The following IDE variants were observed in gnomAD, a reference collection of about 807,000 sequenced individuals.
IDE encodes the protein insulin degrading enzyme, also known as insulin-degrading enzyme.
IDE carries 58 observed loss-of-function variants against 133.2 expected under a neutral mutation model. That is an observed-to-expected ratio of 0.44 (90% CI 0.35 to 0.54). The LOEUF (loss-of-function observed/expected upper bound fraction) is 0.54. Ranked by LOEUF, IDE falls within the 20% of genes least tolerant of loss-of-function variation. The probability of loss-of-function intolerance (pLI) is 0.00; values close to 1 mark genes in which losing one functional copy is unlikely to be tolerated. For synonymous variants in IDE, 396 were observed against 421.3 expected, an observed-to-expected ratio of 0.94 and a Z score of 0.73; for missense variants, 981 against 1,234.0, an observed-to-expected ratio of 0.79 and a Z score of 3.07.
chr10:92,507,986 T>A, intron 8 of IDE, 127 bp downstream of exon 8: 2 of 718,484 alleles, frequency 2.8e-6, no homozygotes, highest in Admixed American at 5.1e-5. Context: ...AAAAATACAA[T>A]GGATAAGTTG....
chr10:92,499,546 C>T (rs1847898019), intron 11 of IDE, among the ~76,000 whole-genome samples: 1 of 152,148 alleles, frequency 6.6e-6, no homozygotes. Flanking sequence ...GATCCTTCTG[C>T]CTCAGCCTCC....
intron 22 of IDE, among the ~76,000 whole-genome samples, chr10:92,457,298 G>A (rs997342287): frequency 6.6e-6 from 1 of 152,170 alleles, no homozygotes. Flanking sequence ...AACAATTACT[G>A]AGTCCTGCGT....
In IDE at chr10:92,531,846, G is replaced by A; in HGVS notation, c.563C>T (p.Ser188Leu). The A allele has an allele frequency of 1.3e-6, 2 of 1,599,186 alleles. No homozygotes were observed. The highest frequency in any genetic ancestry group is 1.7e-6 in the Non-Finnish European group (2 of 1,170,948). The change falls in exon 4 of 25, where the codon TCA (serine) becomes TTA (leucine). Residue 188 changes from serine to leucine, a missense_variant. By Grantham distance (145) the Ser-to-Leu change is moderately radical (BLOSUM62 -2). This residue lies in a region of IDE where 321 missense variants were observed against 339.3 expected (regional missense o/e 0.95). Transcript: ENST00000265986. The stretch of plus-strand genomic sequence containing the variant: ...ATTCATCACATTCTTCTCATGTTCT[G>A]AATCAACTGCATTCACCTCTCTGTC... The part of the protein sequence containing the change: ...CKDREVNAVD[S>L]EHEKNVMNDA...
intron 1 of IDE, among the ~76,000 whole-genome samples, chr10:92,556,225 C>T (rs1843003712): frequency 6.6e-6 from 1 of 150,816 alleles, no homozygotes; most frequent in Admixed American, 6.6e-5. Flanking sequence ...AAATTAGCTC[C>T]ATTTGCAGAA....
chr10:92,469,174 G>C (rs1845838962), intron 18 of IDE, among the ~76,000 whole-genome samples, 184 bp from the exon 19 acceptor site: 1 of 152,176 alleles, frequency 6.6e-6, no homozygotes, highest in South Asian at 2.1e-4. Context: ...TATGGTAGTG[G>C]TGAAAGAAAC....
intron 1 of IDE, among the ~76,000 whole-genome samples, chr10:92,571,599 C>T (rs1843790433): frequency 6.6e-6 from 1 of 152,106 alleles, no homozygotes; most frequent in Non-Finnish European, 1.5e-5. Context: ...TCAGATAATT[C>T]CACACAGTCC....
intron 24 of IDE, 42 bp from the exon 25 acceptor site, chr10:92,454,581 C>T (rs1202160133): frequency 2.1e-6 from 3 of 1,413,858 alleles, no homozygotes; most frequent in African/African-American, 1.4e-5. Flanking sequence ...TTAACCTAAA[C>T]ATCAGAATAA....
chr10:92,457,681 A>G (rs1467837377), intron 22 of IDE, among the ~76,000 whole-genome samples: 1 of 152,120 alleles, frequency 6.6e-6, no homozygotes, highest in Admixed American at 6.5e-5. Context: ...ATATCCTTAG[A>G]GGAAAGAAAT....
intron 13 of IDE, among the ~76,000 whole-genome samples, chr10:92,486,442 A>C (rs1008380895): frequency 6.6e-6 from 1 of 152,208 alleles, no homozygotes; most frequent in Non-Finnish European, 1.5e-5. Context: ...ACTAATTGTT[A>C]TCTCATTGAA....
At position 92,504,025 on chromosome 10, in the gene IDE, A is replaced by AT. The variant is rs5786999; in HGVS notation, c.1430+768dup. Among the ~76,000 whole-genome samples the AT allele has an allele frequency of 6.5e-4, 97 of 149,894 alleles. 1 individual carries two copies. The highest frequency in any genetic ancestry group is 1.1e-3 in the Non-Finnish European group (71 of 67,378). ...GAGCCACCGCGCCCAGCCCAAAAAG[A>AT]TTTTTTTTTTTTTACAAAAAGTTCT... is the stretch of plus-strand genomic sequence containing the variant. On this transcript the variant is annotated intron_variant, in intron 11 of 24. Coordinates refer to ENST00000265986, the MANE Select transcript of IDE (RefSeq NM_004969.4).
At chr10:92,546,971 C>T (rs920148958) in intron 1 of IDE, among the ~76,000 whole-genome samples, 29 of 152,284 alleles carry the variant, frequency 1.9e-4, no homozygotes, top group African/African-American at 5.3e-4. Flanking sequence ...TACCATATAA[C>T]GTTAACATTT....
intron 1 of IDE, among the ~76,000 whole-genome samples, chr10:92,565,266 A>T (rs1002706523): frequency 6.6e-6 from 1 of 150,874 alleles, no homozygotes; most frequent in Non-Finnish European, 1.5e-5. Context: ...AAAAAAAGAA[A>T]AAATTAGCTG....
At chr10:92,510,201 A>C in intron 5 of IDE, 39 bp from the exon 6 acceptor site, 1 of 1,040,644 alleles carries the variant, frequency 9.6e-7, no homozygotes, top group South Asian at 1.3e-5. Context: ...ACTTAAGCGA[A>C]TCATAACATC....
chr10:92,526,372 A>G (rs1400856194), intron 4 of IDE, among the ~76,000 whole-genome samples: 1 of 152,154 alleles, frequency 6.6e-6, no homozygotes, highest in Non-Finnish European at 1.5e-5. Context: ...AATAGAAAAA[A>G]AAATCCTAAA....
intron 1 of IDE, 87 bp from the exon 2 acceptor site, chr10:92,537,637 C>A (rs888428437): frequency 1.0e-6 from 1 of 953,186 alleles, no homozygotes; most frequent in Non-Finnish European, 1.6e-6. Context: ...TATAATACAT[C>A]ATCAGATTTT....
intron 15 of IDE, among the ~76,000 whole-genome samples, chr10:92,478,323 T>C (rs1011034485): frequency 1.3e-5 from 2 of 152,174 alleles, no homozygotes; most frequent in Non-Finnish European, 2.9e-5. Context: ...ACAACAACTA[T>C]GGATATCTTC....
intron 3 of IDE, among the ~76,000 whole-genome samples, chr10:92,532,176 C>T (rs766013873): frequency 4.0e-5 from 6 of 150,544 alleles, no homozygotes; most frequent in Non-Finnish European, 8.9e-5. Context: ...AAAATTAACA[C>T]CAAAAAAGGC....
intron 1 of IDE, among the ~76,000 whole-genome samples, chr10:92,547,989 G>T (rs374972714): frequency 1.3e-5 from 2 of 152,002 alleles, no homozygotes; most frequent in Admixed American, 1.3e-4. Flanking sequence ...AGGCCCAAGC[G>T]ATCCTCCCAT....
At chr10:92,560,066 TG>T in intron 1 of IDE, among the ~76,000 whole-genome samples, 1 of 152,284 alleles carries the variant, frequency 6.6e-6, no homozygotes, top group South Asian at 2.1e-4. Context: ...TGTGCTTCAT[TG>T]ATTTCCTCTG....
Sources: gnomAD v4.1 joint callset for allele counts (sites outside exome capture counted in the v4.1 genomes callset) on GRCh38, gnomAD v4.1.1 for gene constraint, gnomAD v4.1.1 regional missense constraint, MANE v1.5 for transcripts, NCBI Gene and HGNC (gene_info 2026-07-23, HGNC 2026-07-21) for gene names.